CTDSPL2: variants seen among roughly 807,000 people sequenced by gnomAD.
CTDSPL2 encodes CTD small phosphatase like 2.
Under a neutral mutation model 60.0 loss-of-function variants are expected in CTDSPL2, and 5 were observed. That is an observed-to-expected ratio of 0.08 (90% confidence interval 0.04 to 0.18). The LOEUF (loss-of-function observed/expected upper bound fraction) is 0.18. Ranked by LOEUF, CTDSPL2 falls within the 10% of genes least tolerant of loss-of-function variation. CTDSPL2 has a pLI of 1.00. For missense variants in CTDSPL2, 370 were observed against 548.8 expected, an observed-to-expected ratio of 0.67 and a Z score of 3.26; for synonymous variants, 186 against 189.3, an observed-to-expected ratio of 0.98 and a Z score of 0.14.
chr15:44,453,367 C>G (rs1266596692), intron 1 of CTDSPL2, among the ~76,000 whole-genome samples: 1 of 151,792 alleles, frequency 6.6e-6, no homozygotes, highest in Non-Finnish European at 1.5e-5. Context: ...TGGATTTGAT[C>G]AAATGCTTTT....
At chr15:44,471,182 C>G (rs1044696377) in intron 2 of CTDSPL2, among the ~76,000 whole-genome samples, 3 of 152,112 alleles carry the variant, frequency 2.0e-5, no homozygotes, top group African/African-American at 7.2e-5. Flanking sequence ...GTAGTTGATT[C>G]CTTCCCCTCC....
intron 8 of CTDSPL2, among the ~76,000 whole-genome samples, chr15:44,505,746 A>AAAAAG (rs1555439032): frequency 6.6e-5 from 10 of 151,712 alleles, no homozygotes; most frequent in Admixed American, 5.3e-4. Flanking sequence ...AAAAAAAAAA[A>AAAAAG]AAAAGAAAAG....
At chr15:44,440,247 G>A (rs1455271387) in intron 1 of CTDSPL2, among the ~76,000 whole-genome samples, 4 of 150,072 alleles carry the variant, frequency 2.7e-5, no homozygotes, top group Non-Finnish European at 4.4e-5. Context: ...CCAGGCTGGA[G>A]TGCAGTGGTG....
At chr15:44,504,817 C>A (rs997770642) in intron 8 of CTDSPL2, among the ~76,000 whole-genome samples, 4 of 152,028 alleles carry the variant, frequency 2.6e-5, no homozygotes, top group African/African-American at 9.7e-5. Context: ...ATCAGACAAC[C>A]ATTTCAGGGT....
chr15:44,497,019 A>G lies in CTDSPL2; in HGVS notation c.771-8A>G, dbSNP rs780257276. On this transcript the variant is annotated splice_polypyrimidine_tract_variant and splice_region_variant and intron_variant, in intron 6 of 12. Transcript: ENST00000260327. ...AATGTTGAAATTTTCTTAAAATCTG[A>G]TTTATAGCTATTATTTCATCAAACA... is the stretch of plus-strand genomic sequence containing the variant. 1.3e-6 allele frequency: 2 copies of G among 1,519,658 alleles called. No homozygotes were observed. The highest frequency in any genetic ancestry group is 1.7e-5 in the Admixed American group (1 of 57,632). 94.1% of individuals were successfully genotyped at this position (1,519,658 alleles called of 1,614,324 possible).
At chr15:44,509,492 C>A (rs1398008452) in intron 8 of CTDSPL2, among the ~76,000 whole-genome samples, 1 of 152,168 alleles carries the variant, frequency 6.6e-6, no homozygotes, top group Non-Finnish European at 1.5e-5. Flanking sequence ...CAGGCGTGAC[C>A]TACCACGCCC....
At chr15:44,473,787 A>G (rs1190379755) in intron 2 of CTDSPL2, among the ~76,000 whole-genome samples, 1 of 152,220 alleles carries the variant, frequency 6.6e-6, no homozygotes, top group Non-Finnish European at 1.5e-5. Flanking sequence ...ACCGTCTAAC[A>G]TTCCATTTAA....
rs542068606 is a variant in CTDSPL2 at position 44,457,342 on chromosome 15, A to G, written c.-24-1649A>G. On this transcript the variant is annotated intron_variant, in intron 1 of 12. Transcript: ENST00000260327. ...CTGGATAACTTGCCTCCACTTTTATATCAGCACCTGCTGCTTCACCTCACC... is the reference window on the plus strand; with the variant it reads ...CTGGATAACTTGCCTCCACTTTTATGTCAGCACCTGCTGCTTCACCTCACC... Among the ~76,000 whole-genome samples the G allele has an allele frequency of 5.3e-5, 8 of 152,312 alleles. No homozygotes were observed. In the East Asian group the frequency reaches 7.7e-4, roughly 15 times the overall value.
intron 2 of CTDSPL2, among the ~76,000 whole-genome samples, chr15:44,468,385 C>G (rs1371386460): frequency 6.6e-6 from 1 of 152,018 alleles, no homozygotes; most frequent in Non-Finnish European, 1.5e-5. Context: ...CTTTTCATTC[C>G]TGATCTAGAT....
At chr15:44,469,826 G>A (rs1250882124) in intron 2 of CTDSPL2, among the ~76,000 whole-genome samples, 2 of 152,192 alleles carry the variant, frequency 1.3e-5, no homozygotes, top group Middle Eastern at 3.4e-3. Context: ...GGCCGGGCGC[G>A]GTGGCTCACG....
rs183879016 is a variant in CTDSPL2, at chr15:44,459,134, A to G, written c.120A>G (p.Lys40=). 151 of 1,613,212 alleles carry G rather than the reference A, an allele frequency of 9.4e-5. 2 individuals carry two copies. In the East Asian group the frequency reaches 2.8e-3, roughly 30 times the overall value. ...ATAGCCTGCCTTCAGGAGGAGAAAA[A>G]CCATCGAAGAATGAAACCGGCTTGT... The part of the protein sequence containing the change: ...VDDSLPSGGE[K]PSKNETGLLS... The change falls in exon 2 of 13, where the codon AAA becomes AAG. Residue 40 remains lysine, a synonymous_variant. Coordinates refer to ENST00000260327, the MANE Select transcript of CTDSPL2 (RefSeq NM_016396.3).
intron 8 of CTDSPL2, among the ~76,000 whole-genome samples, chr15:44,507,313 G>A (rs1257185224): frequency 6.8e-6 from 1 of 148,080 alleles, no homozygotes; most frequent in Non-Finnish European, 1.5e-5. Flanking sequence ...ATGAACTCCT[G>A]TCCTCAACTA....
intron 1 of CTDSPL2, among the ~76,000 whole-genome samples, chr15:44,456,734 CTA>C (rs1211609585): frequency 3.3e-5 from 5 of 151,546 alleles, no homozygotes; most frequent in African/African-American, 1.2e-4. Context: ...TTTTGTGTCT[CTA>C]TCTCCCTCAG....
chr15:44,447,420 C>T (rs1426490982), intron 1 of CTDSPL2, among the ~76,000 whole-genome samples: 1 of 152,044 alleles, frequency 6.6e-6, no homozygotes, highest in African/African-American at 2.4e-5. Context: ...TCAATGCAAA[C>T]GTTCAAATAG....
chr15:44,512,306 A>G (rs1338986755), intron 8 of CTDSPL2, among the ~76,000 whole-genome samples: 1 of 152,218 alleles, frequency 6.6e-6, no homozygotes, highest in African/African-American at 2.4e-5. Context: ...CAACCTGTAT[A>G]TGGAGCAAGT....
At chr15:44,449,155 G>T in intron 1 of CTDSPL2, 2 of 303,606 alleles carry the variant, frequency 6.6e-6, no homozygotes, top group Non-Finnish European at 6.7e-6. Context: ...ATCATTTCTG[G>T]GCCACTTGGT....
intron 8 of CTDSPL2, among the ~76,000 whole-genome samples, chr15:44,511,642 G>A (rs949527341): frequency 1.1e-4 from 16 of 152,106 alleles, no homozygotes; most frequent in African/African-American, 3.9e-4. Context: ...GCCGAGGCGG[G>A]GAGATCACCT....
chr15:44,442,159 CAT>C (rs1419322208), intron 1 of CTDSPL2, among the ~76,000 whole-genome samples: 5 of 152,154 alleles, frequency 3.3e-5, no homozygotes, highest in African/African-American at 4.8e-5. Context: ...GGGGAAAAAA[CAT>C]ATATTGTGGC....
chr15:44,457,778 A>G (rs1346147380), intron 1 of CTDSPL2, among the ~76,000 whole-genome samples: 1 of 152,018 alleles, frequency 6.6e-6, no homozygotes, highest in Non-Finnish European at 1.5e-5. Context: ...CGCCCACCTA[A>G]TTTTTGTATT....
Sources: allele counts gnomAD v4.1 joint callset (sites outside exome capture counted in the v4.1 genomes callset), GRCh38; gene constraint gnomAD v4.1.1; transcripts MANE v1.5; gene names NCBI Gene and HGNC (gene_info 2026-07-23, HGNC 2026-07-21).